CDK12: variants seen among roughly 807,000 people sequenced by gnomAD.
CDK12 encodes cyclin dependent kinase 12, also known as cyclin-dependent kinase 12.
CDK12 carries 17 observed loss-of-function variants against 133.8 expected under a neutral mutation model. The observed-to-expected ratio is 0.13, with a 90% CI of 0.09 to 0.19. The LOEUF (loss-of-function observed/expected upper bound fraction) is 0.19. CDK12 is among the 10% of genes least tolerant of loss of function. CDK12 has a pLI of 1.00. For synonymous variants in CDK12, 694 were observed against 683.6 expected, an observed-to-expected ratio of 1.02 and a Z score of -0.24; for missense variants, 1,508 against 1,818.7, an observed-to-expected ratio of 0.83 and a Z score of 3.11.
chr17:39,468,174 C>T (rs950486198), intron 1 of CDK12, among the ~76,000 whole-genome samples: 2 of 152,080 alleles, frequency 1.3e-5, no homozygotes, highest in African/African-American at 2.4e-5. Context: ...GGATTACAGG[C>T]GTGAGCCACC....
At position 39,530,814 on chromosome 17, in the gene CDK12, G is replaced by A; in HGVS notation, c.3971G>A (p.Arg1324Lys). Residue 1324 changes from arginine to lysine, a missense_variant, in exon 14 of 14, where the codon AGA (arginine) becomes AAA (lysine). Physicochemically the swap from Arg to Lys is conservative, Grantham distance 26. Transcript: ENST00000447079. ...CTGCCACATGAGCACCAGGCCTTGA[G>A]ACCAATGGAGTACTCCACCCGACCC... ...GHLPHEHQALRPMEYSTRPRP... is the reference protein window; with the variant it reads ...GHLPHEHQALKPMEYSTRPRP... 2 of 1,614,158 alleles carry A rather than the reference G, an allele frequency of 1.2e-6. No individual in the cohort carries two copies. The highest frequency in any genetic ancestry group is 1.7e-6 in the Non-Finnish European group (2 of 1,180,040).
Position 39,534,187 on chromosome 17 carries a change from A to T in CDK12, c.*2871A>T. On this transcript the variant is annotated 3_prime_UTR_variant, in exon 14 of 14. Coordinates refer to ENST00000447079, the MANE Select transcript of CDK12 (RefSeq NM_016507.4). ...TATTTGAAAGCAACATCAAATCTAT[A>T]CGTTTAAAGCAGGGCAGTTAGCACA... 4.3e-6 allele frequency: 1 copy of T among 232,880 alleles called. No homozygotes were observed. The highest frequency in any genetic ancestry group is 8.5e-6 in the Non-Finnish European group (1 of 117,768). 14.4% of individuals were successfully genotyped at this position (232,880 alleles called of 1,614,324 possible).
At chr17:39,520,733 G>T (rs752612772) in intron 11 of CDK12, among the ~76,000 whole-genome samples, 1 of 150,938 alleles carries the variant, frequency 6.6e-6, no homozygotes, top group African/African-American at 2.5e-5. Context: ...ATGGAATCTT[G>T]CTCTGCCTCC....
At chr17:39,496,797 A>T (rs1032348496) in intron 5 of CDK12, among the ~76,000 whole-genome samples, 1 of 151,698 alleles carries the variant, frequency 6.6e-6, no homozygotes. Flanking sequence ...AGCATTTTTG[A>T]TACAGAGTTA....
intron 1 of CDK12, among the ~76,000 whole-genome samples, chr17:39,463,677 A>G (rs1229280002): frequency 1.3e-5 from 2 of 152,006 alleles, no homozygotes; most frequent in African/African-American, 4.8e-5. Context: ...AATTCAGCTG[A>G]TTAGTCTGTT....
chr17:39,544,267 A>G (rs1206417649), upstream of CDK12: 1 of 487,238 alleles, frequency 2.1e-6, no homozygotes, highest in Non-Finnish European at 4.1e-6. Context: ...AACGGTGGGA[A>G]TGCCCTCTGA....
chr17:39,509,851 G>C (rs1303615053), intron 7 of CDK12, 90 bp downstream of exon 7: 1 of 993,900 alleles, frequency 1.0e-6, no homozygotes, highest in Non-Finnish European at 1.6e-6. Flanking sequence ...GCTCAGGCTG[G>C]AGTGCGTGGC....
intron 11 of CDK12, among the ~76,000 whole-genome samples, chr17:39,521,811 C>T (rs948711967): frequency 1.3e-5 from 2 of 152,116 alleles, no homozygotes; most frequent in Non-Finnish European, 2.9e-5. Flanking sequence ...ATCTGCCTGC[C>T]TCAGCCTCCC....
rs1008198817 is a variant in CDK12 at position 39,480,731 on chromosome 17, T to A, written c.1931+8968T>A. Among the ~76,000 whole-genome samples, 9 of 152,116 alleles carry A rather than the reference T, an allele frequency of 5.9e-5. No individual in the cohort carries two copies. The East Asian group carries it at 1.6e-3, about 26-fold the overall frequency. On this transcript the variant is annotated intron_variant, in intron 2 of 13. Transcript: ENST00000447079. The stretch of plus-strand genomic sequence containing the variant: ...AGCCAGCACGCCCAGCCGAAACTTT[T>A]CTTTTCTTTCAAACATGTATTTTGA...
At chr17:39,551,711 T>C (rs1310387011) in intron 2 of CDK12, among the ~76,000 whole-genome samples, 1 of 152,124 alleles carries the variant, frequency 6.6e-6, no homozygotes, top group African/African-American at 2.4e-5. Context: ...CCCCTCTGAC[T>C]CTTGTAGTGT....
intron 7 of CDK12, among the ~76,000 whole-genome samples, chr17:39,510,118 T>C (rs912381415): frequency 4.1e-5 from 6 of 145,910 alleles, no homozygotes; most frequent in Non-Finnish European, 7.5e-5. Flanking sequence ...CTCTCTCTTT[T>C]TTTTTTTTTT....
At chr17:39,545,496 CTTT>C (rs34616390), upstream of CDK12, among the ~76,000 whole-genome samples, 15 of 103,556 alleles carry the variant, frequency 1.4e-4, no homozygotes, top group Non-Finnish European at 1.1e-4. Context: ...CCCCAAAAAG[CTTT>C]TTTTTTTTTT....
At chr17:39,483,580 AC>A (rs2050889745) in intron 2 of CDK12, among the ~76,000 whole-genome samples, 1 of 151,964 alleles carries the variant, frequency 6.6e-6, no homozygotes, top group Admixed American at 6.6e-5. Context: ...CATGTTTTAA[AC>A]AACCAACTTC....
At chr17:39,521,396 A>G (rs1026541374) in intron 11 of CDK12, among the ~76,000 whole-genome samples, 3 of 150,320 alleles carry the variant, frequency 2.0e-5, no homozygotes, top group Non-Finnish European at 4.4e-5. Context: ...TCAGCCTCCC[A>G]AGTAGCTGGA....
At chr17:39,492,696 A>ACCG (rs2051737013) in intron 3 of CDK12, 55 bp from the exon 4 acceptor site, 16 of 1,452,142 alleles carry the variant, frequency 1.1e-5, no homozygotes, top group Non-Finnish European at 1.3e-5. Flanking sequence ...GGCATGAGCC[A>ACCG]CCGCGCCCGG....
At chr17:39,489,838 CTG>C (rs1211752498) in intron 2 of CDK12, among the ~76,000 whole-genome samples, 3 of 142,856 alleles carry the variant, frequency 2.1e-5, no homozygotes, top group African/African-American at 5.2e-5. Context: ...TGGAGTCTCA[CTG>C]TGTTTTCCAG....
intron 5 of CDK12, among the ~76,000 whole-genome samples, chr17:39,500,817 C>G (rs189834237): frequency 1.3e-3 from 205 of 151,860 alleles, no homozygotes; most frequent in South Asian, 8.3e-3. Flanking sequence ...GCCTCCAGCT[C>G]CTGGGTTCAA....
At chr17:39,479,308 GAAAAAAAA>G (rs34077108) in intron 2 of CDK12, among the ~76,000 whole-genome samples, 2 of 100,428 alleles carry the variant, frequency 2.0e-5, no homozygotes, top group South Asian at 3.7e-4. Context: ...GACTCCGTCT[GAAAAAAAA>G]AAAAAAAAAA....
At chr17:39,490,797 T>G in intron 3 of CDK12, 64 bp downstream of exon 3, 3 of 1,248,566 alleles carry the variant, frequency 2.4e-6, no homozygotes, top group Non-Finnish European at 3.4e-6. Flanking sequence ...ACTAAATCTC[T>G]CATGTTTCTT....
Sources: gnomAD v4.1 joint callset for allele counts (sites outside exome capture counted in the v4.1 genomes callset) on GRCh38, gnomAD v4.1.1 for gene constraint, MANE v1.5 for transcripts, NCBI Gene and HGNC (gene_info 2026-07-23, HGNC 2026-07-21) for gene names.